The following PDE1A variants were observed in gnomAD, a reference collection of about 807,000 sequenced individuals.
PDE1A encodes the protein phosphodiesterase 1A.
In PDE1A, 35 loss-of-function variants were observed where a neutral mutation model predicts 61.7. The observed-to-expected ratio is 0.57, with a 90% CI of 0.43 to 0.75. The LOEUF is 0.75. PDE1A is among the 30% of genes least tolerant of loss of function. PDE1A has a pLI of 0.00. For synonymous variants in PDE1A, 232 were observed against 213.2 expected (o/e 1.09, Z -0.77); for missense variants, 597 against 630.6 (o/e 0.95, Z 0.57).
At chr2:182,673,517 A>T in the PDE1A span, among the ~76,000 whole-genome samples, 1 of 152,128 alleles carries the variant, frequency 6.6e-6, no homozygotes, top group African/African-American at 2.4e-5. Flanking sequence ...AAAAATCATG[A>T]GAGAATTATT....
chr2:182,490,248 A>G (rs1688294568), intron 2 of PDE1A, among the ~76,000 whole-genome samples: 1 of 152,262 alleles, frequency 6.6e-6, no homozygotes, highest in African/African-American at 2.4e-5. Flanking sequence ...GAGTGGATTC[A>G]ACATCAGATG....
intron 2 of PDE1A, among the ~76,000 whole-genome samples, chr2:182,517,426 A>G (rs1690275944): frequency 6.6e-6 from 1 of 152,164 alleles, no homozygotes. Flanking sequence ...CTAATTTTCT[A>G]GTTACAGCCA....
At chr2:182,192,807 TCTC>T (rs1266451862) in intron 10 of PDE1A, among the ~76,000 whole-genome samples, 3 of 152,084 alleles carry the variant, frequency 2.0e-5, no homozygotes, top group Non-Finnish European at 2.9e-5. Flanking sequence ...TCAGGTTTCT[TCTC>T]TGAAAGTCTG....
At chr2:182,175,323 C>T (rs941892399) in intron 13 of PDE1A, among the ~76,000 whole-genome samples, 1 of 152,196 alleles carries the variant, frequency 6.6e-6, no homozygotes, top group African/African-American at 2.4e-5. Flanking sequence ...ATTCCTATTT[C>T]TCCACATCCT....
intron 13 of PDE1A, chr2:182,168,305 A>G (rs1007022495): frequency 1.3e-6 from 2 of 1,503,956 alleles, no homozygotes; most frequent in African/African-American, 1.4e-5. Flanking sequence ...AAAAAAAAAA[A>G]GCGTACTTAT....
At chr2:182,181,734 G>A (rs966958624) in intron 13 of PDE1A, among the ~76,000 whole-genome samples, 1 of 152,172 alleles carries the variant, frequency 6.6e-6, no homozygotes, top group Non-Finnish European at 1.5e-5. Context: ...GTAAGCCCCT[G>A]ACTGGAGCTG....
At chr2:182,232,530 A>G (rs1689665262) in intron 4 of PDE1A, among the ~76,000 whole-genome samples, 1 of 152,258 alleles carries the variant, frequency 6.6e-6, no homozygotes, top group Non-Finnish European at 1.5e-5. Context: ...TCAAAAAATA[A>G]TAGTAAGAGC....
the PDE1A span, among the ~76,000 whole-genome samples, chr2:182,654,520 A>C: frequency 1.3e-5 from 2 of 152,324 alleles, no homozygotes; most frequent in African/African-American, 4.8e-5. Context: ...GGATCATAGT[A>C]ATATTCCTGT....
At chr2:182,342,412 G>A (rs192415616) in intron 1 of PDE1A, among the ~76,000 whole-genome samples, 1,748 of 152,258 alleles carry the variant, frequency 0.011, 12 homozygotes, top group African/African-American at 0.014. Context: ...GGCCAGGCAC[G>A]GTGGCTCACG....
chr2:182,422,118 G>A (rs982804875), intron 1 of PDE1A, among the ~76,000 whole-genome samples: 6 of 152,162 alleles, frequency 3.9e-5, no homozygotes, highest in Admixed American at 6.5e-5. Context: ...TAGTGTCTTC[G>A]ATCCTGGATG....
chr2:182,350,653 A>G (rs1302018583), intron 1 of PDE1A, among the ~76,000 whole-genome samples: 4 of 152,190 alleles, frequency 2.6e-5, no homozygotes, highest in African/African-American at 9.6e-5. Context: ...CTAAGTAAAG[A>G]AAAGCTCCAG....
chr2:182,177,295 G>A (rs891544812), intron 13 of PDE1A, among the ~76,000 whole-genome samples: 12 of 152,090 alleles, frequency 7.9e-5, no homozygotes, highest in Admixed American at 3.3e-4. Context: ...GGTAGAATTC[G>A]GCTGTGAATC....
intron 1 of PDE1A, among the ~76,000 whole-genome samples, chr2:182,315,723 T>C (rs1043716075): frequency 1.3e-5 from 2 of 152,178 alleles, no homozygotes; most frequent in African/African-American, 4.8e-5. Context: ...CTGGGGCACA[T>C]GTAGGATGCT....
At chr2:182,703,926 C>T in the PDE1A span, among the ~76,000 whole-genome samples, 1 of 151,874 alleles carries the variant, frequency 6.6e-6, no homozygotes, top group East Asian at 1.9e-4. Flanking sequence ...TCTGGCCGGG[C>T]GTGATGGCTC....
At chr2:182,378,188 C>G (rs562402539) in intron 1 of PDE1A, among the ~76,000 whole-genome samples, 2 of 152,146 alleles carry the variant, frequency 1.3e-5, no homozygotes, top group Non-Finnish European at 2.9e-5. Flanking sequence ...AACAAAACAA[C>G]ATGAATTATC....
chr2:182,335,987 CATTT>C (rs1445705084), intron 1 of PDE1A, among the ~76,000 whole-genome samples: 2 of 152,124 alleles, frequency 1.3e-5, no homozygotes, highest in African/African-American at 4.8e-5. Context: ...CAAAAGTAGA[CATTT>C]ATCTGGCCAA....
At chr2:182,500,389 A>G (rs535875984) in intron 2 of PDE1A, among the ~76,000 whole-genome samples, 1 of 152,340 alleles carries the variant, frequency 6.6e-6, no homozygotes, top group East Asian at 1.9e-4. Flanking sequence ...ATATGAAATC[A>G]GTAAAGAATA....
At chr2:182,405,830 T>C (rs182193267) in intron 1 of PDE1A, among the ~76,000 whole-genome samples, 1,680 of 152,266 alleles carry the variant, frequency 0.011, 15 homozygotes, top group Middle Eastern at 0.021. Flanking sequence ...ATAAATTTGA[T>C]CATTCCACAT....
At chr2:182,573,973 A>G in the PDE1A span, among the ~76,000 whole-genome samples, 1 of 31,642 alleles carries the variant, frequency 3.2e-5, no homozygotes, top group Non-Finnish European at 5.9e-5. Flanking sequence ...ATTTTTTTAT[A>G]CACACACACA....
Sources: gnomAD v4.1 joint callset for allele counts (sites outside exome capture counted in the v4.1 genomes callset) on GRCh38, gnomAD v4.1.1 for gene constraint, MANE v1.5 for transcripts, NCBI Gene and HGNC (gene_info 2026-07-23, HGNC 2026-07-21) for gene names.